The following FRMD6 variants were observed in gnomAD, a reference collection of about 807,000 sequenced individuals.
The protein encoded by FRMD6 is FERM domain-containing protein 6.
In FRMD6, 37 loss-of-function variants were observed where a neutral mutation model predicts 73.2. The observed-to-expected ratio is 0.51, with a 90% CI of 0.39 to 0.66. The LOEUF (loss-of-function observed/expected upper bound fraction) is 0.66, where lower values mean the gene tolerates loss of function less well. Among genes scored for constraint, FRMD6 ranks in the 30% least tolerant of loss-of-function variants. The pLI, the probability that FRMD6 is intolerant of heterozygous loss-of-function variation, is 0.00. For missense variants in FRMD6, 714 were observed against 780.5 expected (o/e 0.91, Z 1.02); for synonymous variants, 273 against 282.2 (o/e 0.97, Z 0.33).
At chr14:51,467,142 A>G in the FRMD6 span, among the ~76,000 whole-genome samples, 2 of 152,128 alleles carry the variant, frequency 1.3e-5, no homozygotes, top group East Asian at 3.9e-4. Context: ...GTCCCTGGGT[A>G]CTTGAGATTA....
At chr14:51,424,479 C>T in the FRMD6 span, among the ~76,000 whole-genome samples, 1 of 152,220 alleles carries the variant, frequency 6.6e-6, no homozygotes, top group South Asian at 2.1e-4. Context: ...ACAGAGACTA[C>T]AGAAATTAAA....
At chr14:51,618,914 C>A (rs1449630446) in intron 2 of FRMD6, among the ~76,000 whole-genome samples, 1 of 148,946 alleles carries the variant, frequency 6.7e-6, no homozygotes, top group East Asian at 1.9e-4. Context: ...TATATTATTT[C>A]ATATATAATT....
chr14:51,691,484 A>G (rs1895560524), intron 2 of FRMD6, among the ~76,000 whole-genome samples: 1 of 151,674 alleles, frequency 6.6e-6, no homozygotes, highest in Non-Finnish European at 1.5e-5. Flanking sequence ...TGTTTCTTTC[A>G]TAGATTGTAT....
the FRMD6 span, among the ~76,000 whole-genome samples, chr14:51,439,032 G>T: frequency 1.3e-5 from 2 of 152,216 alleles, no homozygotes; most frequent in African/African-American, 4.8e-5. Context: ...ATGCCATTTT[G>T]CAGAGAAGAA....
At chr14:51,467,907 G>A in the FRMD6 span, among the ~76,000 whole-genome samples, 115 of 152,288 alleles carry the variant, frequency 7.6e-4, 2 homozygotes, top group African/African-American at 2.6e-3. Context: ...GGTAGAGGCT[G>A]CAATCTCGGT....
chr14:51,419,101 A>G, the FRMD6 span, among the ~76,000 whole-genome samples: 59 of 152,264 alleles, frequency 3.9e-4, 2 homozygotes, highest in South Asian at 0.012. Context: ...TCCCTTGGCT[A>G]GGAAAGGGAG....
intron 1 of FRMD6, among the ~76,000 whole-genome samples, chr14:51,681,911 A>T (rs1295115484): frequency 6.6e-6 from 1 of 152,176 alleles, no homozygotes; most frequent in Admixed American, 6.6e-5. Context: ...TGTTTGCAGT[A>T]AAAGCATTTT....
At chr14:51,538,800 C>G (rs1354809409) in intron 1 of FRMD6, among the ~76,000 whole-genome samples, 2 of 152,174 alleles carry the variant, frequency 1.3e-5, no homozygotes, top group Non-Finnish European at 2.9e-5. Flanking sequence ...ATTACTACAG[C>G]TTTGTGGTAA....
At chr14:51,577,453 G>A (rs573450215) in intron 2 of FRMD6, among the ~76,000 whole-genome samples, 1 of 152,302 alleles carries the variant, frequency 6.6e-6, no homozygotes, top group South Asian at 2.1e-4. Flanking sequence ...ATAGTGTTGT[G>A]TATCAGATAT....
At chr14:51,428,066 G>GTT in the FRMD6 span, among the ~76,000 whole-genome samples, 4 of 152,202 alleles carry the variant, frequency 2.6e-5, no homozygotes, top group African/African-American at 9.7e-5. Flanking sequence ...GTAAGTCTGG[G>GTT]CTGTGGGAAG....
chr14:51,436,089 C>T, the FRMD6 span: 74 of 206,632 alleles, frequency 3.6e-4, no homozygotes, highest in Non-Finnish European at 5.5e-4. Context: ...GAAACCAAGA[C>T]CACCTCCTGC....
intron 1 of FRMD6, among the ~76,000 whole-genome samples, chr14:51,670,809 C>T (rs546343972): frequency 9.2e-5 from 14 of 152,100 alleles, no homozygotes; most frequent in African/African-American, 3.4e-4. Flanking sequence ...CCACTCCCGG[C>T]TAATTTTTTG....
At chr14:51,495,295 C>T (rs1236441846) in intron 1 of FRMD6, among the ~76,000 whole-genome samples, 1 of 152,206 alleles carries the variant, frequency 6.6e-6, no homozygotes. Flanking sequence ...CTGTTCACAA[C>T]AACCACTTAT....
the FRMD6 span, among the ~76,000 whole-genome samples, chr14:51,480,808 C>T: frequency 6.6e-6 from 1 of 152,124 alleles, no homozygotes; most frequent in Non-Finnish European, 1.5e-5. Context: ...GTGCTTAGAG[C>T]AGTGCCTGGC....
intron 12 of FRMD6, among the ~76,000 whole-genome samples, 183 bp from the exon 13 acceptor site, chr14:51,725,596 C>T (rs970958402): frequency 2.0e-5 from 3 of 152,182 alleles, no homozygotes; most frequent in African/African-American, 7.2e-5. Context: ...CCTCTATTTA[C>T]TGTAAGATGA....
chr14:51,542,418 A>G (rs139340691), intron 1 of FRMD6, among the ~76,000 whole-genome samples: 19 of 152,174 alleles, frequency 1.2e-4, no homozygotes, highest in African/African-American at 4.3e-4. Context: ...TTCACTTATC[A>G]TAATGTTTTC....
intron 1 of FRMD6, among the ~76,000 whole-genome samples, chr14:51,672,440 T>A (rs924208784): frequency 6.6e-6 from 1 of 152,180 alleles, no homozygotes; most frequent in African/African-American, 2.4e-5. Flanking sequence ...ATTTGGCTCC[T>A]TCTGGTTTCT....
In FRMD6 at chr14:51,653,356, A is replaced by G. The variant is rs117488808; in HGVS notation, c.-147+1360A>G. Among the ~76,000 whole-genome samples, 7 of 152,280 alleles carry G rather than the reference A, an allele frequency of 4.6e-5. No individual in the cohort carries two copies. In the East Asian group the frequency reaches 1.3e-3, roughly 29 times the overall value. ...GAAAATGCTGTTGGAGAAAGCTGCTAGTGGCTTCATTTTCCAAGAATGTAA... is the reference window on the plus strand; with the variant it reads ...GAAAATGCTGTTGGAGAAAGCTGCTGGTGGCTTCATTTTCCAAGAATGTAA... On this transcript the variant is annotated intron_variant, in intron 1 of 13. Transcript: ENST00000344768.
chr14:51,422,784 C>T, the FRMD6 span, among the ~76,000 whole-genome samples: 1 of 152,148 alleles, frequency 6.6e-6, no homozygotes, highest in African/African-American at 2.4e-5. Context: ...GGGTCAACAC[C>T]CTTTGGGTAA....
Sources: gnomAD v4.1 joint callset for allele counts (sites outside exome capture counted in the v4.1 genomes callset) on GRCh38, gnomAD v4.1.1 for gene constraint, MANE v1.5 for transcripts, NCBI Gene and HGNC (gene_info 2026-07-23, HGNC 2026-07-21) for gene names.